B4GALNT3: variants seen among roughly 807,000 people sequenced by gnomAD.
The protein encoded by B4GALNT3 is beta-1,4-N-acetylgalactosaminyltransferase 3.
B4GALNT3 carries 86 observed loss-of-function variants against 120.2 expected under a neutral mutation model. The observed-to-expected ratio is 0.72, with a 90% CI of 0.60 to 0.86. The LOEUF (loss-of-function observed/expected upper bound fraction) is 0.86, where lower values mean the gene tolerates loss of function less well. Among genes scored for constraint, B4GALNT3 ranks in the 40% least tolerant of loss-of-function variants. B4GALNT3 has a pLI of 0.00. For synonymous variants in B4GALNT3, 518 were observed against 510.4 expected (o/e 1.01, Z -0.20); for missense variants, 1,167 against 1,298.9 (o/e 0.90, Z 1.56).
intron 1 of B4GALNT3, among the ~76,000 whole-genome samples, chr12:489,638 C>T (rs149312127): frequency 3.1e-3 from 468 of 152,202 alleles, no homozygotes; most frequent in Non-Finnish European, 5.0e-3. Context: ...AAAAAGAAAG[C>T]GGAAGAATAG....
chr12:522,493 G>T (rs1320832541), intron 1 of B4GALNT3, among the ~76,000 whole-genome samples: 1 of 152,158 alleles, frequency 6.6e-6, no homozygotes, highest in African/African-American at 2.4e-5. Flanking sequence ...GTAGAGTGGT[G>T]GTTGCCAGGC....
chr12:498,254 C>T (rs1321517738), intron 1 of B4GALNT3, among the ~76,000 whole-genome samples: 1 of 152,082 alleles, frequency 6.6e-6, no homozygotes, highest in African/African-American at 2.4e-5. Context: ...CTCTTCCTGC[C>T]GCTGAGAGGT....
In B4GALNT3 at chr12:561,237, T is replaced by G; in HGVS notation, c.2889-106T>G. On this transcript the variant is annotated intron_variant, in intron 19 of 19. Coordinates refer to ENST00000266383, the MANE Select transcript of B4GALNT3 (RefSeq NM_173593.4). The stretch of plus-strand genomic sequence containing the variant: ...CCCACAGCCGTCCACTGCACCTGCC[T>G]TCCCTGCCCCGTGGGGAGCGAACAG... The G allele has an allele frequency of 6.2e-6, 5 of 807,938 alleles. No individual in the cohort carries two copies. In the East Asian group the frequency reaches 8.0e-5, roughly 13 times the overall value. The allele number at this position is 807,938 out of a possible 1,614,324, so 50.0% of individuals were successfully genotyped here.
intron 1 of B4GALNT3, among the ~76,000 whole-genome samples, chr12:468,427 A>G (rs1269625526): frequency 6.6e-6 from 1 of 152,242 alleles, no homozygotes. Context: ...TTTCCATATA[A>G]GAAGACTACC....
At chr12:555,655 G>C (rs995031153) in intron 14 of B4GALNT3, among the ~76,000 whole-genome samples, 26 of 152,194 alleles carry the variant, frequency 1.7e-4, no homozygotes, top group African/African-American at 6.0e-4. Flanking sequence ...TTGAGGAGCT[G>C]CCACTCTGCT....
chr12:558,696 C>A (rs1947189377), intron 18 of B4GALNT3, 35 bp downstream of exon 18: 30 of 1,604,752 alleles, frequency 1.9e-5, no homozygotes, highest in Non-Finnish European at 2.4e-5. Context: ...GGAGGAAAGA[C>A]TTCTCTGATC....
intron 3 of B4GALNT3, among the ~76,000 whole-genome samples, chr12:542,191 T>C (rs1159477298): frequency 1.3e-5 from 2 of 152,140 alleles, no homozygotes; most frequent in Non-Finnish European, 2.9e-5. Context: ...CAGGCCAGTG[T>C]GCCCCATTAG....
At chr12:496,354 C>G (rs1946387107) in intron 1 of B4GALNT3, among the ~76,000 whole-genome samples, 1 of 152,124 alleles carries the variant, frequency 6.6e-6, no homozygotes, top group Non-Finnish European at 1.5e-5. Context: ...AGTCCCAGCA[C>G]TTTGGGAGGC....
intron 1 of B4GALNT3, among the ~76,000 whole-genome samples, chr12:475,953 A>G (rs1946180657): frequency 6.6e-6 from 1 of 152,158 alleles, no homozygotes; most frequent in South Asian, 2.1e-4. Flanking sequence ...TTTCCTCCGT[A>G]TGGACATGGC....
Position 545,660 on chromosome 12 carries a change from G to A in B4GALNT3, c.639+191G>A, listed in dbSNP as rs141662009. Among the ~76,000 whole-genome samples, 2,786 of 139,342 alleles carry A rather than the reference G, an allele frequency of 0.02. 49 individuals are homozygous for A. The highest frequency in any genetic ancestry group is 0.07 in the Middle Eastern group (19 of 270). 91.4% of individuals were successfully genotyped at this position (139,342 alleles called of 152,430 possible). Reference sequence around the variant, plus strand: ...TGAGGATGGGGAGGAGTGAGGAGTGGGGAGGAGCGAGGTGTGGGGAGGAGC... The same window carrying A: ...TGAGGATGGGGAGGAGTGAGGAGTGAGGAGGAGCGAGGTGTGGGGAGGAGC... On this transcript the variant is annotated intron_variant, in intron 6 of 19. Coordinates refer to ENST00000266383, the MANE Select transcript of B4GALNT3 (RefSeq NM_173593.4).
At chr12:505,788 G>A (rs1407627310) in intron 1 of B4GALNT3, among the ~76,000 whole-genome samples, 1 of 152,124 alleles carries the variant, frequency 6.6e-6, no homozygotes, top group African/African-American at 2.4e-5. Context: ...AAATTATCCT[G>A]CTTCTGGGGT....
chr12:543,216 G>GTT, intron 3 of B4GALNT3: 1 of 1,286,602 alleles, frequency 7.8e-7, no homozygotes, highest in African/African-American at 1.5e-5. Flanking sequence ...GTTCCTGAAA[G>GTT]AAGTGCTGGG....
intron 1 of B4GALNT3, among the ~76,000 whole-genome samples, chr12:502,221 C>G (rs11063301): frequency 1.3e-5 from 2 of 152,204 alleles, no homozygotes; most frequent in East Asian, 1.9e-4. Flanking sequence ...GCATTCCCCC[C>G]GGGCATGGAC....
intron 1 of B4GALNT3, among the ~76,000 whole-genome samples, chr12:495,161 G>A (rs978065339): frequency 2.0e-5 from 3 of 152,148 alleles, no homozygotes; most frequent in Non-Finnish European, 4.4e-5. Context: ...GCTCAGAAAG[G>A]TTAAATAACT....
In B4GALNT3 at chr12:561,333, C is replaced by A; in HGVS notation, c.2889-10C>A. ...CTTCTGTTGGCTCATCTGTGTTTCT[C>A]CTCCTCCAGGATACTCCAAGCGGGC... On this transcript the variant is annotated splice_polypyrimidine_tract_variant and intron_variant, in intron 19 of 19. Coordinates refer to ENST00000266383, the MANE Select transcript of B4GALNT3 (RefSeq NM_173593.4). The A allele has an allele frequency of 6.2e-7, 1 of 1,607,298 alleles. No individual in the cohort carries two copies. Among genetic ancestry groups the A allele is most frequent in the Non-Finnish European group, 8.5e-7 (1 of 1,174,108 alleles).
intron 1 of B4GALNT3, among the ~76,000 whole-genome samples, chr12:491,517 CG>C (rs1304811116): frequency 1.3e-5 from 2 of 151,432 alleles, no homozygotes; most frequent in Non-Finnish European, 2.9e-5. Flanking sequence ...TTTGTAGAGA[CG>C]GGGTTTTGCC....
intron 1 of B4GALNT3, among the ~76,000 whole-genome samples, chr12:533,483 T>C (rs1946827701): frequency 6.6e-6 from 1 of 152,202 alleles, no homozygotes; most frequent in Non-Finnish European, 1.5e-5. Flanking sequence ...GGTGAACATC[T>C]GCAGAAACCC....
chr12:560,267 G>A (rs916053043), intron 19 of B4GALNT3, among the ~76,000 whole-genome samples: 4 of 152,176 alleles, frequency 2.6e-5, no homozygotes, highest in South Asian at 2.1e-4. Context: ...AGCACTGGGG[G>A]CGGGACCTCG....
chr12:504,321 A>G (rs1946473798), intron 1 of B4GALNT3, among the ~76,000 whole-genome samples: 1 of 151,352 alleles, frequency 6.6e-6, no homozygotes, highest in African/African-American at 2.4e-5. Context: ...TCAAAAAAAA[A>G]AAAAAGAAAA....
Sources: allele counts gnomAD v4.1 joint callset (sites outside exome capture counted in the v4.1 genomes callset), GRCh38; gene constraint gnomAD v4.1.1; transcripts MANE v1.5; gene names NCBI Gene and HGNC (gene_info 2026-07-23, HGNC 2026-07-21).